The following WFDC11 variants were observed in gnomAD, a reference collection of about 807,000 sequenced individuals.
WFDC11 encodes WAP four-disulfide core domain 11.
WFDC11 carries 9 observed loss-of-function variants against 9.9 expected under a neutral mutation model. That is an observed-to-expected ratio of 0.91 (90% CI 0.55 to 1.58). The LOEUF is 1.58. Ranked by LOEUF, WFDC11 falls within the 40% of genes most tolerant of loss-of-function variation. The pLI is 0.00. For synonymous variants in WFDC11, 32 were observed against 33.3 expected (o/e 0.96, Z 0.13); for missense variants, 106 against 101.7 (o/e 1.04, Z -0.18).
chr20:45,654,197 C>T (rs1289120955), intron 2 of WFDC11, among the ~76,000 whole-genome samples: 2 of 152,180 alleles, frequency 1.3e-5, no homozygotes, highest in African/African-American at 4.8e-5. Context: ...CACTCCTCAG[C>T]AAATGTAAAA....
At chr20:45,652,968 A>G (rs1982844596) in intron 2 of WFDC11, among the ~76,000 whole-genome samples, 1 of 152,232 alleles carries the variant, frequency 6.6e-6, no homozygotes. Context: ...GGTGTACCTG[A>G]AAGTGACAGG....
intron 1 of WFDC11, among the ~76,000 whole-genome samples, chr20:45,669,185 A>G (rs553513373): frequency 1.3e-5 from 2 of 152,290 alleles, no homozygotes; most frequent in East Asian, 3.9e-4. Flanking sequence ...ATCTTTACAG[A>G]GGCAGATACT....
chr20:45,660,029 G>C (rs1230278890), intron 2 of WFDC11, among the ~76,000 whole-genome samples: 1 of 152,130 alleles, frequency 6.6e-6, no homozygotes, highest in Non-Finnish European at 1.5e-5. Flanking sequence ...TTGTAGATGT[G>C]TGGTGTTATT....
intron 2 of WFDC11, among the ~76,000 whole-genome samples, chr20:45,663,280 A>AT (rs1410140801): frequency 6.6e-6 from 1 of 151,908 alleles, no homozygotes; most frequent in Non-Finnish European, 1.5e-5. Flanking sequence ...CCCCTTTATC[A>AT]TTTTTTATTG....
chr20:45,663,323 A>G (rs1173827364), intron 2 of WFDC11, among the ~76,000 whole-genome samples: 1 of 148,856 alleles, frequency 6.7e-6, no homozygotes, highest in Non-Finnish European at 1.5e-5. Context: ...TTTTTTCTTT[A>G]TTTGTCGCAA....
At chr20:45,667,753 A>G (rs1983217399) in intron 1 of WFDC11, among the ~76,000 whole-genome samples, 2 of 152,232 alleles carry the variant, frequency 1.3e-5, no homozygotes, top group South Asian at 4.1e-4. Context: ...AAGTGAGAAT[A>G]GCAGTACTTT....
In WFDC11 at chr20:45,649,348, C is replaced by T. The variant is rs1982752393; in HGVS notation, c.152G>A (p.Cys51Tyr). The change falls in exon 4 of 5, where the codon TGT (cysteine) becomes TAT (tyrosine). Residue 51 changes from cysteine to tyrosine, a missense_variant. Physicochemically the swap from Cys to Tyr is radical, Grantham distance 194. Transcript: ENST00000324384. ...ECWGKPNVKECTNKCSKAFRC... is the reference protein window; with the variant it reads ...ECWGKPNVKEYTNKCSKAFRC... The stretch of plus-strand genomic sequence containing the variant: ...AAAGGCTTTAGAACACTTATTGGTA[C>T]ATTCTTTGACATTTGGCTTTCCCCA... The T allele has an allele frequency of 1.9e-6, 3 of 1,614,166 alleles. No individual in the cohort carries two copies. Among genetic ancestry groups the T allele is most frequent in the South Asian group, 1.1e-5 (1 of 91,070 alleles).
chr20:45,662,981 T>C (rs1332969503), intron 2 of WFDC11, among the ~76,000 whole-genome samples: 1 of 152,240 alleles, frequency 6.6e-6, no homozygotes, highest in Non-Finnish European at 1.5e-5. Context: ...ATTGGAATAA[T>C]TTCAGAAGGA....
At chr20:45,663,137 G>T (rs1983108487) in intron 2 of WFDC11, among the ~76,000 whole-genome samples, 1 of 152,080 alleles carries the variant, frequency 6.6e-6, no homozygotes, top group Admixed American at 6.6e-5. Context: ...CTTCTTCCTG[G>T]TTTAGACTTG....
intron 1 of WFDC11, among the ~76,000 whole-genome samples, chr20:45,668,272 G>C (rs1316297752): frequency 6.6e-6 from 1 of 152,200 alleles, no homozygotes; most frequent in African/African-American, 2.4e-5. Context: ...GAGGCTCTGA[G>C]TAAGTCTTGA....
At chr20:45,662,606 T>G (rs924085492) in intron 2 of WFDC11, among the ~76,000 whole-genome samples, 1 of 152,246 alleles carries the variant, frequency 6.6e-6, no homozygotes, top group Non-Finnish European at 1.5e-5. Flanking sequence ...AATAGCAAAT[T>G]TATTAAAAGT....
At chr20:45,658,912 C>CCCA (rs1555803757) in intron 2 of WFDC11, among the ~76,000 whole-genome samples, 2 of 151,986 alleles carry the variant, frequency 1.3e-5, no homozygotes, top group African/African-American at 4.8e-5. Context: ...TGCCCACCCC[C>CCCA]CCGTCCATGT....
Position 45,648,659 on chromosome 20 carries a change from T to C in WFDC11, c.*60A>G. ...TAAAAGTAGCCACAGGGTACTACTA[T>C]GAGACCTCTTAAACATTTCCCAGCC... is the stretch of plus-strand genomic sequence containing the variant. On this transcript the variant is annotated 3_prime_UTR_variant, in exon 5 of 5. Transcript: ENST00000324384. 6.3e-7 allele frequency: 1 copy of C among 1,597,688 alleles called. No homozygotes were observed.
intron 2 of WFDC11, among the ~76,000 whole-genome samples, chr20:45,656,819 G>A (rs1243561067): frequency 6.6e-6 from 1 of 152,162 alleles, no homozygotes; most frequent in Non-Finnish European, 1.5e-5. Context: ...GCAGCCAAAA[G>A]ACACATGAAA....
chr20:45,656,056 C>T (rs1335145307), intron 2 of WFDC11, among the ~76,000 whole-genome samples: 1 of 152,162 alleles, frequency 6.6e-6, no homozygotes, highest in Non-Finnish European at 1.5e-5. Flanking sequence ...CTACCAATGA[C>T]TTTCTTCACA....
At chr20:45,666,814 A>G (rs1983197211) in intron 2 of WFDC11, among the ~76,000 whole-genome samples, 1 of 152,228 alleles carries the variant, frequency 6.6e-6, no homozygotes, top group Non-Finnish European at 1.5e-5. Flanking sequence ...TTAAGATTAG[A>G]TATAAGTTAT....
chr20:45,649,452 G>A lies in WFDC11; in HGVS notation c.101-53C>T, dbSNP rs903632675. 79 of 1,590,512 alleles carry A rather than the reference G, an allele frequency of 5.0e-5. No homozygotes were observed. The South Asian group carries it at 6.8e-4, about 14-fold the overall frequency. On this transcript the variant is annotated intron_variant, in intron 3 of 4. Coordinates refer to ENST00000324384, the MANE Select transcript of WFDC11 (RefSeq NM_147197.2). ...TTGATGGTATGTTTCAGCCAAGAGC[G>A]GAAAGAAAGGCCTTTCATACGTTTA...
chr20:45,662,700 C>A (rs1426833978), intron 2 of WFDC11, among the ~76,000 whole-genome samples: 2 of 152,114 alleles, frequency 1.3e-5, no homozygotes, highest in African/African-American at 4.8e-5. Flanking sequence ...GTCTTTGGTT[C>A]TGTTTATGTG....
intron 2 of WFDC11, among the ~76,000 whole-genome samples, chr20:45,651,343 G>T (rs570568723): frequency 7.2e-5 from 11 of 152,156 alleles, no homozygotes; most frequent in Admixed American, 1.3e-4. Context: ...AGTACAAATC[G>T]TACTTTCAGT....
Sources: gnomAD v4.1 joint callset for allele counts (sites outside exome capture counted in the v4.1 genomes callset) on GRCh38, gnomAD v4.1.1 for gene constraint, MANE v1.5 for transcripts, NCBI Gene and HGNC (gene_info 2026-07-23, HGNC 2026-07-21) for gene names.